The following STAG1 variants were observed in gnomAD, a reference collection of about 807,000 sequenced individuals.
STAG1 encodes cohesin subunit SA-1.
In STAG1, 26 loss-of-function variants were observed where a neutral mutation model predicts 170.9. The ratio of observed to expected loss-of-function variants is 0.15; its 90% CI spans 0.11 to 0.21. The LOEUF is 0.21. Ranked by LOEUF, STAG1 falls within the 10% of genes least tolerant of loss-of-function variation. STAG1 has a pLI of 1.00. For synonymous variants in STAG1, 514 were observed against 497.7 expected, an observed-to-expected ratio of 1.03 and a Z score of -0.44; for missense variants, 964 against 1,509.5, an observed-to-expected ratio of 0.64 and a Z score of 5.99.
At chr3:136,433,800 AT>A (rs893515634) in intron 15 of STAG1, 141 bp from the exon 16 acceptor site, 14,196 of 468,708 alleles carry the variant, frequency 0.03, 3 homozygotes, top group South Asian at 0.043. Context: ...GTACTTTGCT[AT>A]TTTTTTTTTT....
At chr3:136,600,311 G>A (rs1485087116) in intron 4 of STAG1, among the ~76,000 whole-genome samples, 2 of 152,152 alleles carry the variant, frequency 1.3e-5, no homozygotes, top group Non-Finnish European at 2.9e-5. Context: ...TACAAATGGG[G>A]AGACTCACAT....
chr3:136,663,022 A>G (rs1055038688), intron 1 of STAG1, among the ~76,000 whole-genome samples: 1 of 152,118 alleles, frequency 6.6e-6, no homozygotes, highest in African/African-American at 2.4e-5. Context: ...CTGCACTTCC[A>G]GTCTGGGCAG....
chr3:136,356,760 A>T (rs1036361615), intron 28 of STAG1, among the ~76,000 whole-genome samples: 1 of 150,830 alleles, frequency 6.6e-6, no homozygotes, highest in African/African-American at 2.4e-5. Flanking sequence ...ATTTTATTTT[A>T]TTTTTTTATT....
rs550107349 is a variant in STAG1, at chr3:136,513,698, A to G, written c.676+7515T>C. 2.0e-5 allele frequency among the ~76,000 whole-genome samples: 3 copies of G among 152,316 alleles called. No individual in the cohort carries two copies. In the South Asian group the frequency reaches 6.2e-4, roughly 32 times the overall value. On this transcript the variant is annotated intron_variant, in intron 7 of 33. Transcript: ENST00000383202. ...AAATTGGGTCAAACTATTAAGCAAG[A>G]AGCTACAACATGTTTTTCAGGCACG...
At chr3:136,632,776 A>G (rs1940382941) in intron 1 of STAG1, among the ~76,000 whole-genome samples, 1 of 152,092 alleles carries the variant, frequency 6.6e-6, no homozygotes, top group Non-Finnish European at 1.5e-5. Flanking sequence ...CCTCTAATTG[A>G]TCTTTGAGCT....
intron 9 of STAG1, among the ~76,000 whole-genome samples, chr3:136,496,167 A>C (rs954789344): frequency 1.3e-5 from 2 of 151,944 alleles, no homozygotes; most frequent in Admixed American, 6.6e-5. Flanking sequence ...AACAAACAAA[A>C]AAACCCCCAA....
At chr3:136,590,622 TA>T in intron 4 of STAG1, among the ~76,000 whole-genome samples, 1 of 152,328 alleles carries the variant, frequency 6.6e-6, no homozygotes, top group Non-Finnish European at 1.5e-5. Flanking sequence ...GGACTTATTG[TA>T]AAATATCCTG....
At position 136,337,437 on chromosome 3, in the gene STAG1, T is replaced by C. The variant is rs1201993626; in HGVS notation, c.*817A>G. ...AGAATACTTTATTTGCTGGTAGAAGTTGCTAAAAATGCACAGAACAAATAC... is the reference window on the plus strand; with the variant it reads ...AGAATACTTTATTTGCTGGTAGAAGCTGCTAAAAATGCACAGAACAAATAC... On this transcript the variant is annotated 3_prime_UTR_variant, in exon 34 of 34. Coordinates refer to ENST00000383202, the MANE Select transcript of STAG1 (RefSeq NM_005862.3). The C allele has an allele frequency of 6.6e-6, 1 of 152,646 alleles. No individual in the cohort carries two copies. Among genetic ancestry groups the C allele is most frequent in the African/African-American group, 2.4e-5 (1 of 41,456 alleles). 9.5% of individuals were successfully genotyped at this position (152,646 alleles called of 1,614,324 possible).
intron 1 of STAG1, among the ~76,000 whole-genome samples, chr3:136,641,101 G>A (rs1940782008): frequency 6.6e-6 from 1 of 152,196 alleles, no homozygotes; most frequent in African/African-American, 2.4e-5. Flanking sequence ...ATAATGAATA[G>A]AAGAGCTGTC....
At chr3:136,694,396 A>G (rs1354938645) in intron 1 of STAG1, among the ~76,000 whole-genome samples, 2 of 152,040 alleles carry the variant, frequency 1.3e-5, no homozygotes, top group African/African-American at 2.4e-5. Flanking sequence ...CAGAAGGATC[A>G]CTTGAGGCCA....
chr3:136,638,506 G>C (rs1220892650), intron 1 of STAG1, among the ~76,000 whole-genome samples: 1 of 152,082 alleles, frequency 6.6e-6, no homozygotes, highest in Non-Finnish European at 1.5e-5. Flanking sequence ...GTGTATATGT[G>C]TTTATGGATA....
chr3:136,463,544 A>C (rs1186258412), intron 13 of STAG1, among the ~76,000 whole-genome samples: 3 of 151,992 alleles, frequency 2.0e-5, no homozygotes, highest in African/African-American at 7.2e-5. Flanking sequence ...CAAAGCAAAA[A>C]GATACACACC....
In STAG1 at chr3:136,729,263, C is replaced by T. The variant is rs934581372; in HGVS notation, c.-84+22932G>A. On this transcript the variant is annotated intron_variant, in intron 1 of 33. Transcript: ENST00000383202. ...TCAAGTGATCTGCCAGCCTCAGCCT[C>T]CCAAAGTGTTGGGATTACAAGAGTG... Among the ~76,000 whole-genome samples, 9 of 152,136 alleles carry T rather than the reference C, an allele frequency of 5.9e-5. No individual in the cohort carries two copies. The East Asian group carries it at 7.7e-4, about 13-fold the overall frequency.
chr3:136,540,936 G>C (rs534814718), intron 6 of STAG1, among the ~76,000 whole-genome samples: 1 of 147,398 alleles, frequency 6.8e-6, no homozygotes, highest in Non-Finnish European at 1.5e-5. Context: ...TGTTATATGT[G>C]CATTTTCACA....
intron 1 of STAG1, among the ~76,000 whole-genome samples, chr3:136,651,117 C>T (rs1559930901): frequency 6.6e-6 from 1 of 152,078 alleles, no homozygotes; most frequent in Non-Finnish European, 1.5e-5. Context: ...GTAATCCTAG[C>T]ACTTTGGGAG....
At chr3:136,689,773 G>A (rs1444939827) in intron 1 of STAG1, among the ~76,000 whole-genome samples, 2 of 152,054 alleles carry the variant, frequency 1.3e-5, no homozygotes, top group Non-Finnish European at 2.9e-5. Flanking sequence ...AGGCACAATG[G>A]CTCATACCTG....
At chr3:136,382,901 AT>A (rs1246262925) in intron 22 of STAG1, among the ~76,000 whole-genome samples, 4 of 152,226 alleles carry the variant, frequency 2.6e-5, no homozygotes, top group African/African-American at 7.2e-5. Context: ...AAGCACAGAT[AT>A]TGTATACTTA....
At chr3:136,505,349 T>C (rs1416249212) in intron 7 of STAG1, among the ~76,000 whole-genome samples, 1 of 152,228 alleles carries the variant, frequency 6.6e-6, no homozygotes, top group African/African-American at 2.4e-5. Context: ...ACAGTGGTAC[T>C]GATAGTGTCG....
intron 14 of STAG1, among the ~76,000 whole-genome samples, chr3:136,447,852 C>A (rs1054209850): frequency 1.5e-4 from 23 of 152,062 alleles, no homozygotes; most frequent in Middle Eastern, 3.4e-3. Context: ...CTCCTGACCT[C>A]GTGATCTGCC....
Sources: allele counts gnomAD v4.1 joint callset (sites outside exome capture counted in the v4.1 genomes callset), GRCh38; gene constraint gnomAD v4.1.1; transcripts MANE v1.5; gene names NCBI Gene and HGNC (gene_info 2026-07-23, HGNC 2026-07-21).